The following ICA1 variants were observed in gnomAD, a reference collection of about 807,000 sequenced individuals.
The protein encoded by ICA1 is islet cell autoantigen 1.
ICA1 carries 40 observed loss-of-function variants against 71.0 expected under a neutral mutation model. The observed-to-expected ratio is 0.56, with a 90% CI of 0.44 to 0.73. The LOEUF (loss-of-function observed/expected upper bound fraction) is 0.73, where lower values mean the gene tolerates loss of function less well. Ranked by LOEUF, ICA1 falls within the 30% of genes least tolerant of loss-of-function variation. ICA1 has a pLI of 0.00. For missense variants in ICA1, 578 were observed against 576.5 expected, an observed-to-expected ratio of 1.00 and a Z score of -0.03; for synonymous variants, 207 against 209.5, an observed-to-expected ratio of 0.99 and a Z score of 0.10.
intron 6 of ICA1, among the ~76,000 whole-genome samples, chr7:8,198,476 C>T (rs1304303801): frequency 6.6e-6 from 1 of 152,128 alleles, no homozygotes; most frequent in Non-Finnish European, 1.5e-5. Flanking sequence ...AATCCTGTGG[C>T]CTTGGCAGTT....
At chr7:8,188,371 A>G (rs950505086) in intron 6 of ICA1, among the ~76,000 whole-genome samples, 1 of 152,134 alleles carries the variant, frequency 6.6e-6, no homozygotes. Context: ...GAGCTACCAA[A>G]ATTAACTCTC....
At chr7:8,221,907 G>T (rs538699450) in intron 4 of ICA1, among the ~76,000 whole-genome samples, 112 of 152,262 alleles carry the variant, frequency 7.4e-4, no homozygotes, top group Non-Finnish European at 1.5e-3. Flanking sequence ...TAGGGACGGA[G>T]GGTGGGGAGG....
intron 1 of ICA1, among the ~76,000 whole-genome samples, chr7:8,245,238 G>T (rs1355966234): frequency 6.6e-6 from 1 of 152,084 alleles, no homozygotes; most frequent in Non-Finnish European, 1.5e-5. Context: ...CCATAAAAAA[G>T]GATGAGTTCA....
intron 8 of ICA1, among the ~76,000 whole-genome samples, chr7:8,151,522 G>C (rs1178211072): frequency 6.6e-6 from 1 of 152,212 alleles, no homozygotes; most frequent in African/African-American, 2.4e-5. Context: ...TAATGACAAT[G>C]AGAGAAAACT....
intron 1 of ICA1, among the ~76,000 whole-genome samples, chr7:8,240,845 C>T (rs1482701907): frequency 2.0e-5 from 3 of 151,910 alleles, no homozygotes; most frequent in East Asian, 1.9e-4. Flanking sequence ...CGAAATAAAG[C>T]GAGAAGAAAA....
chr7:8,221,208 C>A, intron 5 of ICA1, 67 bp downstream of exon 5: 1 of 1,594,556 alleles, frequency 6.3e-7, no homozygotes, highest in Non-Finnish European at 8.6e-7. Flanking sequence ...GATTCCCTTT[C>A]GTGAGTAGGT....
intron 2 of ICA1, 25 bp from the exon 3 acceptor site, chr7:8,232,780 T>A (rs190289540): frequency 6.5e-7 from 1 of 1,528,092 alleles, no homozygotes; most frequent in Non-Finnish European, 8.8e-7. Flanking sequence ...AGAACTATTT[T>A]ATTCACACCT....
rs1234998224 is a variant in ICA1, at chr7:8,169,687, TG to T, written c.580-11036del. Among the ~76,000 whole-genome samples the T allele has an allele frequency of 3.3e-5, 5 of 152,256 alleles. No homozygotes were observed. In the East Asian group the frequency reaches 7.7e-4, roughly 23 times the overall value. ...TCAAATCTTTCACCTATTTTAAAAATGGGTTTATCTTTTTATTACTGAATTT... is the reference window on the plus strand; with the variant it reads ...TCAAATCTTTCACCTATTTTAAAAATGGTTTATCTTTTTATTACTGAATTT... On this transcript the variant is annotated intron_variant, in intron 6 of 13. Coordinates refer to ENST00000402384, the MANE Select transcript of ICA1 (RefSeq NM_001136020.3).
chr7:8,147,517 T>G (rs1797440000), intron 8 of ICA1, among the ~76,000 whole-genome samples: 1 of 152,116 alleles, frequency 6.6e-6, no homozygotes, highest in Non-Finnish European at 1.5e-5. Flanking sequence ...TATGTACTTG[T>G]TGATTGATAA....
chr7:8,210,050 G>C (rs1793107218), intron 6 of ICA1, among the ~76,000 whole-genome samples: 1 of 152,190 alleles, frequency 6.6e-6, no homozygotes, highest in African/African-American at 2.4e-5. Flanking sequence ...AATTGTCCAA[G>C]GAAGGGCCAC....
chr7:8,214,055 C>T (rs3779363), intron 6 of ICA1, among the ~76,000 whole-genome samples: 63,454 of 152,066 alleles, frequency 0.42, 14,346 homozygotes, highest in African/African-American at 0.61. Flanking sequence ...AAACACTGGT[C>T]CGCTTGTCCT....
intron 1 of ICA1, among the ~76,000 whole-genome samples, chr7:8,246,628 C>A (rs1037046441): frequency 6.6e-6 from 1 of 152,242 alleles, no homozygotes; most frequent in Non-Finnish European, 1.5e-5. Flanking sequence ...TTCTCAGCCA[C>A]ATCCATTTGA....
At chr7:8,238,416 C>T (rs571580268) in intron 1 of ICA1, among the ~76,000 whole-genome samples, 2 of 152,060 alleles carry the variant, frequency 1.3e-5, no homozygotes, top group African/African-American at 4.8e-5. Flanking sequence ...TATTTTTTTG[C>T]CATTTGTATA....
rs779229290 is a variant in ICA1 at position 8,128,039 on chromosome 7, G to A, written c.1164C>T (p.Gly388=). The A allele has an allele frequency of 1.9e-6, 3 of 1,614,126 alleles. No homozygotes were observed. The highest frequency in any genetic ancestry group is 1.7e-6 in the Non-Finnish European group (2 of 1,180,016). The change falls in exon 13 of 14, where the codon GGC becomes GGT. Residue 388 remains glycine (G), a synonymous_variant. Coordinates refer to ENST00000402384, the MANE Select transcript of ICA1 (RefSeq NM_001136020.3). ...CAGCGGCCCACTCTTTGCTGAACTC[G>A]CCCTCTTCCAAGGAGGAAGCATTGA... The part of the protein sequence containing the change: ...EIFNASSLEE[G]EFSKEWAAVF...
At chr7:8,176,303 C>A (rs530929384) in intron 6 of ICA1, among the ~76,000 whole-genome samples, 1 of 152,232 alleles carries the variant, frequency 6.6e-6, no homozygotes, top group Non-Finnish European at 1.5e-5. Flanking sequence ...AAGCCCTCTT[C>A]CTTTTGGTCC....
At chr7:8,158,109 A>C (rs553267748) in intron 7 of ICA1, among the ~76,000 whole-genome samples, 1 of 152,302 alleles carries the variant, frequency 6.6e-6, no homozygotes, top group East Asian at 1.9e-4. Context: ...TATCAGGGGA[A>C]ACAAAAACAA....
intron 6 of ICA1, among the ~76,000 whole-genome samples, chr7:8,163,820 G>A (rs1354743957): frequency 6.6e-6 from 1 of 152,214 alleles, no homozygotes; most frequent in Non-Finnish European, 1.5e-5. Context: ...GGGATGAGAT[G>A]AGGCAGAGAG....
chr7:8,138,569 T>C, intron 12 of ICA1, among the ~76,000 whole-genome samples: 1 of 152,356 alleles, frequency 6.6e-6, no homozygotes, highest in South Asian at 2.1e-4. Flanking sequence ...CTGAAAGCCA[T>C]GTTTTTTCTA....
chr7:8,128,356 G>A (rs1790144568), intron 12 of ICA1, among the ~76,000 whole-genome samples: 1 of 152,146 alleles, frequency 6.6e-6, no homozygotes. Context: ...GTCCTCCAAA[G>A]CAAGTTCAGT....
Sources: allele counts gnomAD v4.1 joint callset (sites outside exome capture counted in the v4.1 genomes callset), GRCh38; gene constraint gnomAD v4.1.1; transcripts MANE v1.5; gene names NCBI Gene and HGNC (gene_info 2026-07-23, HGNC 2026-07-21).